The following ITGB1 variants were observed in gnomAD, a reference collection of about 807,000 sequenced individuals.
The protein encoded by ITGB1 is integrin subunit beta 1, also known as integrin beta-1.
ITGB1 carries 24 observed loss-of-function variants against 86.5 expected under a neutral mutation model. The ratio of observed to expected loss-of-function variants is 0.28; its 90% CI spans 0.20 to 0.39. The LOEUF (loss-of-function observed/expected upper bound fraction) is 0.39. Ranked by LOEUF, ITGB1 falls within the 10% of genes least tolerant of loss-of-function variation. ITGB1 has a pLI of 1.00. For missense variants in ITGB1, 556 were observed against 946.9 expected (o/e 0.59, Z 5.42); for synonymous variants, 323 against 316.8 (o/e 1.02, Z -0.21).
intron 3 of ITGB1, 136 bp downstream of exon 3, chr10:32,932,379 C>A (rs1317421064): frequency 1.2e-5 from 7 of 572,402 alleles, no homozygotes. Flanking sequence ...CTGTGTTGAA[C>A]CACATAGCTC....
intron 1 of ITGB1, among the ~76,000 whole-genome samples, chr10:32,940,560 G>A (rs11591375): frequency 0.067 from 10,153 of 152,188 alleles, 445 homozygotes; most frequent in Middle Eastern, 0.092. Flanking sequence ...TTTCAGCTCC[G>A]TTATAATCTT....
chr10:32,934,581 T>C (rs921911055), intron 2 of ITGB1, among the ~76,000 whole-genome samples: 4 of 152,228 alleles, frequency 2.6e-5, no homozygotes, highest in African/African-American at 7.2e-5. Flanking sequence ...AGTGCTTTAA[T>C]GTTAAAAAAC....
At chr10:32,916,037 T>A (rs1593860476) in intron 11 of ITGB1, among the ~76,000 whole-genome samples, 2 of 152,192 alleles carry the variant, frequency 1.3e-5, no homozygotes, top group South Asian at 4.1e-4. Context: ...ATCCATCATA[T>A]AAACAGAACC....
intron 1 of ITGB1, chr10:32,944,504 T>G (rs1026986486): frequency 1.2e-5 from 5 of 406,598 alleles, no homozygotes; most frequent in Non-Finnish European, 2.4e-5. Context: ...AGCGGAGACC[T>G]GCTCCAGGAT....
intron 15 of ITGB1, chr10:32,906,317 C>G (rs893462541): frequency 6.6e-6 from 1 of 152,424 alleles, no homozygotes. Flanking sequence ...TGGTGGGGCA[C>G]AGTGGCTCAC....
rs1175862320 is a variant in ITGB1 at position 32,912,109 on chromosome 10, A to G, written c.1485T>C (p.Arg495=). ...ECGACRCNEG[R]VGRHCECSTD... The stretch of plus-strand genomic sequence containing the variant: ...TGCTGCATTCACAATGTCTACCAAC[A>G]CGCCCTTCATTGCACCTGAAGAAAC... Residue 495 remains arginine, a synonymous_variant, in exon 12 of 16, where the codon CGT becomes CGC. Transcript: ENST00000302278. 3 of 1,612,070 alleles carry G rather than the reference A, an allele frequency of 1.9e-6. No homozygotes were observed. Among genetic ancestry groups the G allele is most frequent in the Non-Finnish European group, 2.5e-6 (3 of 1,178,662 alleles).
chr10:32,933,589 A>G (rs1181645615), intron 2 of ITGB1: 5 of 152,194 alleles, frequency 3.3e-5, no homozygotes, highest in Admixed American at 3.3e-4. Flanking sequence ...AAAATCTGGA[A>G]AACACACAAG....
Position 32,938,862 on chromosome 10 carries a change from G to A in ITGB1, c.1-3304C>T, listed in dbSNP as rs575675069. On this transcript the variant is annotated intron_variant, in intron 1 of 15. Transcript: ENST00000302278. ...CAGAAGAGCTACAGGACCAGGGGGC[G>A]GAGAGGAGACCACAGTTAGAAGTGG... Among the ~76,000 whole-genome samples the A allele has an allele frequency of 5.3e-5, 8 of 152,288 alleles. No homozygotes were observed. In the East Asian group the frequency reaches 1.5e-3, roughly 29 times the overall value.
intron 1 of ITGB1, among the ~76,000 whole-genome samples, chr10:32,942,882 C>G (rs1296503291): frequency 1.3e-5 from 2 of 151,864 alleles, no homozygotes; most frequent in Non-Finnish European, 2.9e-5. Context: ...AATAAATTAG[C>G]CTGGGCAACA....
At chr10:32,910,828 C>T (rs1309580115) in intron 13 of ITGB1, among the ~76,000 whole-genome samples, 2 of 152,030 alleles carry the variant, frequency 1.3e-5, no homozygotes, top group East Asian at 3.9e-4. Flanking sequence ...TCACTGTAAC[C>T]TCTGCCTCTC....
At position 32,949,078 on chromosome 10, in the gene ITGB1, A is replaced by C. The variant is rs541296397; in HGVS notation, c.-1+9067T>G. On this transcript the variant is annotated intron_variant, in intron 1 of 15. Coordinates refer to ENST00000302278, the MANE Select transcript of ITGB1 (RefSeq NM_002211.4). The stretch of plus-strand genomic sequence containing the variant: ...TGATGATTTAAAGTAATTTGTAACA[A>C]AAAGTTATTTCATTTAGAACTTTAA... Among the ~76,000 whole-genome samples, 74 of 152,322 alleles carry C rather than the reference A, an allele frequency of 4.9e-4. 1 individual carries two copies. In the South Asian group the frequency reaches 6.4e-3, roughly 13 times the overall value.
chr10:32,928,360 A>C, intron 4 of ITGB1, 96 bp from the exon 5 acceptor site: 1 of 607,296 alleles, frequency 1.6e-6, no homozygotes, highest in Non-Finnish European at 2.9e-6. Flanking sequence ...GGTAAACACA[A>C]TAAAATAAAA....
In ITGB1 at chr10:32,920,188, C is replaced by T. The variant is rs2094944755; in HGVS notation, c.1269+57G>A. On this transcript the variant is annotated intron_variant, in intron 10 of 15. Transcript: ENST00000302278. The stretch of plus-strand genomic sequence containing the variant: ...ATTTTAATGTTTCTCAAACTATAAA[C>T]TAAATTTGCTTATAAATAACCAATG... 1.3e-5 allele frequency: 20 copies of T among 1,579,096 alleles called. 1 individual carries two copies. In the South Asian group the frequency reaches 2.3e-4, roughly 18 times the overall value.
At chr10:32,908,332 T>TA (rs756851292) in intron 15 of ITGB1, 36 bp downstream of exon 15, 2 of 1,596,080 alleles carry the variant, frequency 1.3e-6, no homozygotes, top group Non-Finnish European at 1.7e-6. Flanking sequence ...ATTTACTTTA[T>TA]AAGCCACTTT....
chr10:32,937,314 T>G (rs966656774), intron 1 of ITGB1, among the ~76,000 whole-genome samples: 19 of 152,144 alleles, frequency 1.2e-4, no homozygotes, highest in African/African-American at 4.3e-4. Context: ...ATCCAGCACT[T>G]TGGGAGACCA....
intron 11 of ITGB1, among the ~76,000 whole-genome samples, chr10:32,915,051 G>T (rs865786639): frequency 1.1e-4 from 17 of 152,290 alleles, no homozygotes; most frequent in Admixed American, 7.8e-4. Context: ...TAAATGACCT[G>T]CTCCTGAATG....
At chr10:32,912,224 G>GT (rs1411439993) in intron 11 of ITGB1, 100 bp from the exon 12 acceptor site, 4 of 894,344 alleles carry the variant, frequency 4.5e-6, no homozygotes, top group African/African-American at 3.4e-5. Context: ...AGCTCCCAGC[G>GT]TGAGCGACAC....
At chr10:32,924,449 G>C (rs1455937022) in intron 6 of ITGB1, among the ~76,000 whole-genome samples, 1 of 152,108 alleles carries the variant, frequency 6.6e-6, no homozygotes, top group East Asian at 1.9e-4. Context: ...TAATACGTCT[G>C]TTTAGATCTT....
chr10:32,907,208 AACACTATAAATGTC>A, intron 15 of ITGB1: 1 of 599,974 alleles, frequency 1.7e-6, no homozygotes, highest in Non-Finnish European at 2.8e-6. Context: ...ATAGTGTTTG[AACACTATAAATGTC>A]TTTTTTTTTA....
Sources: gnomAD v4.1 joint callset for allele counts (sites outside exome capture counted in the v4.1 genomes callset) on GRCh38, gnomAD v4.1.1 for gene constraint, MANE v1.5 for transcripts, NCBI Gene and HGNC (gene_info 2026-07-23, HGNC 2026-07-21) for gene names.